DNAI3: variants seen among roughly 807,000 people sequenced by gnomAD.
The protein encoded by DNAI3 is WD repeat domain 63.
Under a neutral mutation model 115.5 loss-of-function variants are expected in DNAI3, and 83 were observed. The ratio of observed to expected loss-of-function variants is 0.72; its 90% CI spans 0.60 to 0.86. The LOEUF is 0.86. Ranked by LOEUF, DNAI3 falls within the 40% of genes least tolerant of loss-of-function variation. DNAI3 has a pLI of 0.00. For synonymous variants in DNAI3, 320 were observed against 347.0 expected, an observed-to-expected ratio of 0.92 and a Z score of 0.86; for missense variants, 1,004 against 1,075.8, an observed-to-expected ratio of 0.93 and a Z score of 0.93.
In DNAI3 at chr1:85,086,006, AGGACATAAGCACTCAGACAAAAT is replaced by A; in HGVS notation, c.719_740+1del. On this transcript the variant is annotated frameshift_variant and splice_region_variant, in exon 7 of 23. Transcript: ENST00000294664. LOFTEE classifies it high-confidence loss of function. ...GGCATGCAAGTAATCCCCCAAATAAAGGACATAAGCACTCAGACAAAATGGTAAGTATGTGATGGGTGTATGTA... is the reference window on the plus strand; with the variant it reads ...GGCATGCAAGTAATCCCCCAAATAAAGGTAAGTATGTGATGGGTGTATGTA... 6.2e-7 allele frequency: 1 copy of A among 1,614,106 alleles called. No homozygotes were observed. The highest frequency in any genetic ancestry group is 1.1e-5 in the South Asian group (1 of 91,076).
intron 3 of DNAI3, among the ~76,000 whole-genome samples, chr1:85,074,571 C>T (rs1374372296): frequency 2.6e-5 from 4 of 152,206 alleles, no homozygotes; most frequent in African/African-American, 9.7e-5. Flanking sequence ...CATCTCACTT[C>T]CTCAAGAGAC....
intron 19 of DNAI3, among the ~76,000 whole-genome samples, chr1:85,124,897 G>C (rs1656089093): frequency 6.6e-6 from 1 of 152,092 alleles, no homozygotes; most frequent in Admixed American, 6.6e-5. Context: ...GAAGTGCAAG[G>C]AGAAACACTG....
At chr1:85,121,034 G>A (rs1426674715) in intron 17 of DNAI3, among the ~76,000 whole-genome samples, 2 of 152,252 alleles carry the variant, frequency 1.3e-5, no homozygotes, top group African/African-American at 2.4e-5. Context: ...TTAGGAGATC[G>A]CATGGGGTGA....
intron 21 of DNAI3, 119 bp from the exon 22 acceptor site, chr1:85,129,871 G>A (rs1480810629): frequency 6.4e-6 from 7 of 1,096,356 alleles, no homozygotes; most frequent in Non-Finnish European, 1.3e-6. Context: ...AGTAGATTAG[G>A]GAGGTAGATT....
chr1:85,086,660 T>C (rs1654809123), intron 7 of DNAI3, among the ~76,000 whole-genome samples: 1 of 152,134 alleles, frequency 6.6e-6, no homozygotes, highest in South Asian at 2.1e-4. Flanking sequence ...ATTGTTCTAA[T>C]TACTCAGACC....
At chr1:85,086,681 G>T (rs1654809939) in intron 7 of DNAI3, among the ~76,000 whole-genome samples, 1 of 151,938 alleles carries the variant, frequency 6.6e-6, no homozygotes, top group African/African-American at 2.4e-5. Flanking sequence ...AAAAGCCTTG[G>T]ATTTTGTTGG....
chr1:85,132,764 G>A, intron 22 of DNAI3, 91 bp from the exon 23 acceptor site: 5 of 1,496,986 alleles, frequency 3.3e-6, no homozygotes, highest in Non-Finnish European at 4.5e-6. Flanking sequence ...CAGCAGCCAG[G>A]TCAACTATTC....
At chr1:85,067,213 A>C (rs1309546627) in intron 1 of DNAI3, among the ~76,000 whole-genome samples, 2 of 152,242 alleles carry the variant, frequency 1.3e-5, no homozygotes, top group African/African-American at 4.8e-5. Flanking sequence ...AAGAAGAATT[A>C]AGACCCCTAA....
intron 13 of DNAI3, chr1:85,099,146 GT>G (rs1655211558): frequency 1.4e-6 from 1 of 693,292 alleles, no homozygotes; most frequent in East Asian, 1.3e-4. Context: ...CTGCACTGGT[GT>G]TTGTCTTTAT....
intron 10 of DNAI3, among the ~76,000 whole-genome samples, chr1:85,095,462 C>T (rs1346550617): frequency 6.6e-6 from 1 of 152,110 alleles, no homozygotes; most frequent in Non-Finnish European, 1.5e-5. Context: ...GCCACAAAAA[C>T]AGAGCCACTC....
At chr1:85,069,043 G>A (rs1173686271) in intron 1 of DNAI3, among the ~76,000 whole-genome samples, 1 of 152,214 alleles carries the variant, frequency 6.6e-6, no homozygotes, top group Non-Finnish European at 1.5e-5. Flanking sequence ...AGAAATAAAT[G>A]TTTGTTACCG....
chr1:85,086,894 C>T (rs1047141071), intron 7 of DNAI3, among the ~76,000 whole-genome samples: 2 of 151,924 alleles, frequency 1.3e-5, no homozygotes, highest in Non-Finnish European at 2.9e-5. Context: ...AATGGCCTGT[C>T]ATCCCAAATG....
rs1655111347 is a variant in DNAI3 at position 85,096,009 on chromosome 1, A to G, written c.1252A>G (p.Ile418Val). 2 of 1,613,656 alleles carry G rather than the reference A, an allele frequency of 1.2e-6. No individual in the cohort carries two copies. Among genetic ancestry groups the G allele is most frequent in the Middle Eastern group, 1.6e-4 (1 of 6,084 alleles). ...TCCTAATATCATTGCTGGAGGCTGTATCAATGGGCAGGTACTTAACAGAAT... is the reference window on the plus strand; with the variant it reads ...TCCTAATATCATTGCTGGAGGCTGTGTCAATGGGCAGGTACTTAACAGAAT... ...SDPNIIAGGC[I>V]NGQIVMWDIT... Residue 418 changes from isoleucine to valine, a missense_variant, in exon 11 of 23, where the codon ATC (isoleucine) becomes GTC (valine). Ile to Val is a conservative substitution (Grantham distance 29). Coordinates refer to ENST00000294664, the MANE Select transcript of DNAI3 (RefSeq NM_145172.5).
chr1:85,110,211 G>A, intron 16 of DNAI3, 76 bp downstream of exon 16: 1 of 1,328,802 alleles, frequency 7.5e-7, no homozygotes, highest in East Asian at 2.6e-5. Flanking sequence ...CAGCACTTCG[G>A]GAGGCTGAGG....
chr1:85,115,629 A>G (rs1053860428), intron 16 of DNAI3, among the ~76,000 whole-genome samples: 3 of 151,740 alleles, frequency 2.0e-5, no homozygotes, highest in Non-Finnish European at 4.4e-5. Flanking sequence ...CTTTGACTCT[A>G]TCATAGCCTT....
chr1:85,071,873 T>G, intron 1 of DNAI3, 55 bp from the exon 2 acceptor site: 1 of 1,483,246 alleles, frequency 6.7e-7, no homozygotes, highest in South Asian at 1.2e-5. Context: ...TATTTGAAAT[T>G]GTAAGTTGTT....
chr1:85,104,992 T>C (rs1655441797), intron 14 of DNAI3, among the ~76,000 whole-genome samples: 1 of 152,258 alleles, frequency 6.6e-6, no homozygotes, highest in Non-Finnish European at 1.5e-5. Context: ...TTATAAAAAG[T>C]GTTTTTATAA....
At chr1:85,122,607 G>A (rs1039009885) in intron 18 of DNAI3, among the ~76,000 whole-genome samples, 2 of 152,190 alleles carry the variant, frequency 1.3e-5, no homozygotes, top group Non-Finnish European at 2.9e-5. Flanking sequence ...GGCCCACAAA[G>A]GCTTGCAAGA....
chr1:85,108,154 C>A lies in DNAI3; in HGVS notation c.1675C>A (p.Leu559Ile), dbSNP rs745854604. Residue 559 changes from leucine (L) to isoleucine (I), a missense_variant, in exon 15 of 23, where the codon CTC becomes ATC. Physicochemically the swap from Leu to Ile is conservative, Grantham distance 5. This residue lies in a region of DNAI3 where 429 missense variants were observed against 454.3 expected (regional missense o/e 0.94). Coordinates refer to ENST00000294664, the MANE Select transcript of DNAI3 (RefSeq NM_145172.5). ...ACCATCTACTTTTTTGCATCTGGAT[C>A]TCTCCTGGAAACCTCTCACTAAGGT... The part of the protein sequence containing the change: ...DVPSTFLHLD[L>I]SWKPLTKVRL... 6.2e-7 allele frequency: 1 copy of A among 1,603,768 alleles called. No individual in the cohort carries two copies. The highest frequency in any genetic ancestry group is 8.5e-7 in the Non-Finnish European group (1 of 1,176,680).
Sources: gnomAD v4.1 joint callset for allele counts (sites outside exome capture counted in the v4.1 genomes callset) on GRCh38, gnomAD v4.1.1 for gene constraint, gnomAD v4.1.1 regional missense constraint, MANE v1.5 for transcripts, NCBI Gene and HGNC (gene_info 2026-07-23, HGNC 2026-07-21) for gene names.